Variants in CEP85L observed in about 807,000 individuals in gnomAD.
CEP85L encodes the protein centrosomal protein 85L.
In CEP85L, 60 loss-of-function variants were observed where a neutral mutation model predicts 100.3. The observed-to-expected ratio is 0.60, with a 90% CI of 0.49 to 0.74. The LOEUF (loss-of-function observed/expected upper bound fraction) is 0.74, where lower values mean the gene tolerates loss of function less well. CEP85L is among the 30% of genes least tolerant of loss of function. The pLI is 0.00. For synonymous variants in CEP85L, 319 were observed against 322.7 expected, an observed-to-expected ratio of 0.99 and a Z score of 0.12; for missense variants, 973 against 936.2, an observed-to-expected ratio of 1.04 and a Z score of -0.51.
At chr6:118,650,130 A>T (rs1232499512) in intron 1 of CEP85L, among the ~76,000 whole-genome samples, 4 of 152,200 alleles carry the variant, frequency 2.6e-5, no homozygotes, top group Non-Finnish European at 5.9e-5. Flanking sequence ...TAAGTTACAC[A>T]AGTCGAGCTC....
intron 4 of CEP85L, among the ~76,000 whole-genome samples, chr6:118,512,538 C>T (rs1426098709): frequency 2.6e-5 from 4 of 152,070 alleles, no homozygotes; most frequent in Admixed American, 2.0e-4. Context: ...TCAATTTTCA[C>T]AACTGGGGCA....
At chr6:118,491,650 T>G in intron 6 of CEP85L, 36 bp downstream of exon 6, 1 of 1,522,822 alleles carries the variant, frequency 6.6e-7, no homozygotes, top group Non-Finnish European at 8.9e-7. Context: ...TGAGGAAATG[T>G]TGTTGACCTA....
At chr6:118,477,406 G>C (rs1173512731) in intron 10 of CEP85L, among the ~76,000 whole-genome samples, 3 of 152,138 alleles carry the variant, frequency 2.0e-5, no homozygotes, top group Non-Finnish European at 4.4e-5. Context: ...AAACATGCCA[G>C]TGACCTATAA....
At chr6:118,664,130 A>G (rs1776061586) in intron 1 of CEP85L, among the ~76,000 whole-genome samples, 1 of 152,060 alleles carries the variant, frequency 6.6e-6, no homozygotes, top group African/African-American at 2.4e-5. Flanking sequence ...GCCTGAGCTC[A>G]AGCAGTCCTC....
At chr6:118,574,490 T>C (rs1262635676) in intron 2 of CEP85L, among the ~76,000 whole-genome samples, 2 of 152,218 alleles carry the variant, frequency 1.3e-5, no homozygotes, top group African/African-American at 4.8e-5. Flanking sequence ...GGTTCTTCTT[T>C]GTAGCACTGA....
chr6:118,563,315 G>A (rs1018268098), intron 3 of CEP85L, among the ~76,000 whole-genome samples: 2 of 152,168 alleles, frequency 1.3e-5, no homozygotes, highest in African/African-American at 4.8e-5. Flanking sequence ...TCTGGACTAA[G>A]TCCTAGGAAG....
intron 5 of CEP85L, among the ~76,000 whole-genome samples, chr6:118,504,140 G>A (rs557619180): frequency 4.6e-5 from 7 of 152,234 alleles, no homozygotes; most frequent in South Asian, 2.1e-4. Flanking sequence ...TTGGGTGGCC[G>A]AGGCAGGCGG....
chr6:118,473,989 C>T (rs724868), intron 10 of CEP85L, among the ~76,000 whole-genome samples: 20,684 of 152,090 alleles, frequency 0.14, 1,785 homozygotes, highest in Non-Finnish European at 0.19. Flanking sequence ...ATGTACAGCT[C>T]GAATTCCTTT....
intron 1 of CEP85L, among the ~76,000 whole-genome samples, chr6:118,635,767 T>C (rs1415507662): frequency 6.6e-6 from 1 of 152,170 alleles, no homozygotes; most frequent in Non-Finnish European, 1.5e-5. Flanking sequence ...ACCCTATTGA[T>C]TGTTGACAAG....
At chr6:118,588,126 C>A (rs913981989) in intron 2 of CEP85L, among the ~76,000 whole-genome samples, 5 of 152,192 alleles carry the variant, frequency 3.3e-5, no homozygotes, top group Non-Finnish European at 5.9e-5. Flanking sequence ...AGAAACTGCA[C>A]TATTCTGAAT....
intron 1 of CEP85L, among the ~76,000 whole-genome samples, chr6:118,672,804 G>GAGGAAGGAGA (rs1211104925): frequency 1.3e-5 from 2 of 151,840 alleles, no homozygotes; most frequent in Non-Finnish European, 2.9e-5. Flanking sequence ...GAGGAAGGAG[G>GAGGAAGGAGA]AGGAAGGAGA....
chr6:118,581,906 A>C (rs1050292975), intron 2 of CEP85L, among the ~76,000 whole-genome samples: 1 of 152,060 alleles, frequency 6.6e-6, no homozygotes, highest in African/African-American at 2.4e-5. Flanking sequence ...CCTTGATTTT[A>C]ATATTATCCA....
chr6:118,554,891 T>C (rs1489344616), intron 3 of CEP85L, among the ~76,000 whole-genome samples: 2 of 152,200 alleles, frequency 1.3e-5, no homozygotes, highest in East Asian at 3.8e-4. Context: ...AAAGGTGACA[T>C]GTTTCATGTG....
At chr6:118,505,965 G>A (rs561306587) in intron 5 of CEP85L, among the ~76,000 whole-genome samples, 4 of 152,270 alleles carry the variant, frequency 2.6e-5, no homozygotes, top group African/African-American at 9.6e-5. Flanking sequence ...TGATAGTGGG[G>A]GAGGTTGAGC....
intron 1 of CEP85L, among the ~76,000 whole-genome samples, chr6:118,678,475 TGTC>T (rs1776548214): frequency 6.6e-6 from 1 of 152,196 alleles, no homozygotes; most frequent in African/African-American, 2.4e-5. Flanking sequence ...ACCGTATATT[TGTC>T]TACCTCTACA....
At chr6:118,651,767 C>A (rs1775586209), upstream of CEP85L, 5 of 986,462 alleles carry the variant, frequency 5.1e-6, no homozygotes, top group Non-Finnish European at 6.0e-6. Context: ...GGCGACTGGG[C>A]TGTCCCGCCC....
intron 2 of CEP85L, among the ~76,000 whole-genome samples, chr6:118,573,211 T>G (rs1164372211): frequency 6.6e-6 from 1 of 152,170 alleles, no homozygotes; most frequent in Non-Finnish European, 1.5e-5. Flanking sequence ...AAACTATTAA[T>G]AAAACAACTA....
chr6:118,615,862 C>T (rs1033790593), intron 2 of CEP85L, among the ~76,000 whole-genome samples: 1 of 152,202 alleles, frequency 6.6e-6, no homozygotes, highest in Admixed American at 6.5e-5. Context: ...CACATGACTT[C>T]GCAGTGATAG....
At chr6:118,467,513 G>A (rs1317068736) in intron 12 of CEP85L, among the ~76,000 whole-genome samples, 1 of 152,100 alleles carries the variant, frequency 6.6e-6, no homozygotes, top group East Asian at 1.9e-4. Flanking sequence ...CAACTGGCTG[G>A]TAAAACTTTC....
Sources: allele counts gnomAD v4.1 joint callset (sites outside exome capture counted in the v4.1 genomes callset), GRCh38; gene constraint gnomAD v4.1.1; transcripts MANE v1.5; gene names NCBI Gene and HGNC (gene_info 2026-07-23, HGNC 2026-07-21).